Variants in SNTG1 observed in about 807,000 individuals in gnomAD.
SNTG1 encodes the protein syntrophin gamma 1, also known as gamma-1-syntrophin.
In SNTG1, 39 loss-of-function variants were observed where a neutral mutation model predicts 74.7. The observed-to-expected ratio is 0.52, with a 90% CI of 0.40 to 0.68. The LOEUF (loss-of-function observed/expected upper bound fraction) is 0.68, where lower values mean the gene tolerates loss of function less well. SNTG1 is among the 30% of genes least tolerant of loss of function. The probability of loss-of-function intolerance (pLI) is 0.00; values close to 1 mark genes in which losing one functional copy is unlikely to be tolerated. For missense variants in SNTG1, 685 were observed against 609.5 expected, an observed-to-expected ratio of 1.12 and a Z score of -1.30; for synonymous variants, 254 against 217.1, an observed-to-expected ratio of 1.17 and a Z score of -1.49.
chr8:50,038,621 G>GA (rs950140566), intron 1 of SNTG1, among the ~76,000 whole-genome samples: 2 of 151,726 alleles, frequency 1.3e-5, no homozygotes, highest in African/African-American at 4.8e-5. Flanking sequence ...AAGGGTAAAA[G>GA]AAAAAAAATT....
At chr8:50,193,549 A>C (rs984545164) in intron 2 of SNTG1, among the ~76,000 whole-genome samples, 1 of 152,106 alleles carries the variant, frequency 6.6e-6, no homozygotes, top group African/African-American at 2.4e-5. Context: ...GAATCCTTTT[A>C]TCAATTCTAG....
At chr8:50,243,239 C>T (rs1337296796) in intron 2 of SNTG1, among the ~76,000 whole-genome samples, 2 of 151,842 alleles carry the variant, frequency 1.3e-5, no homozygotes, top group Non-Finnish European at 2.9e-5. Flanking sequence ...ACAGTCTGAC[C>T]CAAAACTATG....
intron 17 of SNTG1, among the ~76,000 whole-genome samples, chr8:50,718,742 A>G (rs1280279993): frequency 6.6e-6 from 1 of 152,244 alleles, no homozygotes; most frequent in Non-Finnish European, 1.5e-5. Context: ...TAGAATTTGC[A>G]TCAATAAAGT....
intron 2 of SNTG1, among the ~76,000 whole-genome samples, chr8:50,263,540 A>G (rs1328375836): frequency 1.3e-5 from 2 of 152,190 alleles, no homozygotes; most frequent in African/African-American, 2.4e-5. Flanking sequence ...TATAATGCAA[A>G]TGATGATCTT....
chr8:50,682,923 C>G (rs2095337009), intron 15 of SNTG1, among the ~76,000 whole-genome samples: 1 of 152,172 alleles, frequency 6.6e-6, no homozygotes, highest in Non-Finnish European at 1.5e-5. Flanking sequence ...TCAAATGTCA[C>G]CTCCTGAAGA....
At chr8:50,168,726 T>C (rs2082708887) in intron 1 of SNTG1, among the ~76,000 whole-genome samples, 5 of 152,336 alleles carry the variant, frequency 3.3e-5, no homozygotes, top group East Asian at 1.9e-4. Context: ...TAATACGAGT[T>C]GGAGTTATAT....
rs370969894 is a variant in SNTG1, at chr8:50,521,544, G to A, written c.467-8633G>A. Among the ~76,000 whole-genome samples, 8 of 152,208 alleles carry A rather than the reference G, an allele frequency of 5.3e-5. No individual in the cohort carries two copies. In the East Asian group the frequency reaches 7.7e-4, roughly 15 times the overall value. The stretch of plus-strand genomic sequence containing the variant: ...GTGGTGGTTGCTGAAGTTTGGAATG[G>A]CTATGACAATTCCTTGAAATAGACA... On this transcript the variant is annotated intron_variant, in intron 9 of 18. Coordinates refer to ENST00000642720, the MANE Select transcript of SNTG1 (RefSeq NM_018967.5).
At chr8:50,111,918 T>G (rs2080608260) in intron 1 of SNTG1, among the ~76,000 whole-genome samples, 1 of 152,002 alleles carries the variant, frequency 6.6e-6, no homozygotes, top group African/African-American at 2.4e-5. Context: ...AAGGAAGATA[T>G]AACAAAAATA....
At chr8:50,602,629 C>G (rs757101647) in intron 13 of SNTG1, among the ~76,000 whole-genome samples, 1 of 152,078 alleles carries the variant, frequency 6.6e-6, no homozygotes, top group Non-Finnish European at 1.5e-5. Flanking sequence ...TTTTCTTGTT[C>G]ATTAACATCA....
intron 15 of SNTG1, among the ~76,000 whole-genome samples, chr8:50,659,876 G>C (rs7002596): frequency 0.21 from 31,968 of 152,098 alleles, 3,696 homozygotes; most frequent in African/African-American, 0.3. Context: ...GTCTTGCTCT[G>C]TTGCTTAGGC....
intron 15 of SNTG1, among the ~76,000 whole-genome samples, chr8:50,681,910 C>G (rs2095332420): frequency 1.3e-5 from 2 of 152,140 alleles, no homozygotes; most frequent in South Asian, 4.1e-4. Context: ...AGACACACAC[C>G]TCAGTCAAGA....
intron 13 of SNTG1, among the ~76,000 whole-genome samples, chr8:50,627,239 G>A (rs2094962485): frequency 6.6e-6 from 1 of 152,010 alleles, no homozygotes; most frequent in Non-Finnish European, 1.5e-5. Flanking sequence ...GTTGAGTTTT[G>A]TTTAATGACT....
At chr8:50,382,949 T>C (rs2092513856) in intron 2 of SNTG1, among the ~76,000 whole-genome samples, 1 of 152,182 alleles carries the variant, frequency 6.6e-6, no homozygotes, top group Non-Finnish European at 1.5e-5. Flanking sequence ...GAAACCTCAA[T>C]GTTTGCTTTT....
chr8:50,574,904 T>A (rs966786690), intron 12 of SNTG1, among the ~76,000 whole-genome samples: 1 of 152,228 alleles, frequency 6.6e-6, no homozygotes, highest in African/African-American at 2.4e-5. Context: ...CAACAATGTG[T>A]GAAAGTATAT....
At chr8:50,260,468 T>C (rs112394518) in intron 2 of SNTG1, among the ~76,000 whole-genome samples, 2 of 151,884 alleles carry the variant, frequency 1.3e-5, no homozygotes, top group Non-Finnish European at 2.9e-5. Flanking sequence ...AAAGTACTGT[T>C]GAATGCAGGT....
chr8:50,522,821 C>T (rs1048054741), intron 9 of SNTG1, among the ~76,000 whole-genome samples: 5 of 152,154 alleles, frequency 3.3e-5, no homozygotes, highest in Admixed American at 2.6e-4. Flanking sequence ...TTGTGATCTG[C>T]CTGCCTCAGC....
rs889646966 is a variant in SNTG1 at position 50,784,625 on chromosome 8, G to C, written c.1396-8046G>C. Among the ~76,000 whole-genome samples, 3 of 152,158 alleles carry C rather than the reference G, an allele frequency of 2.0e-5. No homozygotes were observed. The East Asian group carries it at 5.8e-4, about 29-fold the overall frequency. ...TACCCCACTGTAACTAATGGGTAGAGCAATTAAGCAGAAGAGTAACAATGA... is the reference window on the plus strand; with the variant it reads ...TACCCCACTGTAACTAATGGGTAGACCAATTAAGCAGAAGAGTAACAATGA... On this transcript the variant is annotated intron_variant, in intron 18 of 18. Transcript: ENST00000642720.
chr8:50,590,822 G>A (rs1050016267), intron 12 of SNTG1, 57 bp from the exon 13 acceptor site: 3 of 1,126,736 alleles, frequency 2.7e-6, no homozygotes, highest in Non-Finnish European at 3.8e-6. Flanking sequence ...AAATTCTGGG[G>A]ACCTTGTGTT....
At chr8:50,708,439 A>G (rs1006585943) in intron 16 of SNTG1, 1 of 156,696 alleles carries the variant, frequency 6.4e-6, no homozygotes, top group Non-Finnish European at 1.4e-5. Flanking sequence ...AATGTGGTTT[A>G]ATAATATCCA....
Sources: gnomAD v4.1 joint callset for allele counts (sites outside exome capture counted in the v4.1 genomes callset) on GRCh38, gnomAD v4.1.1 for gene constraint, MANE v1.5 for transcripts, NCBI Gene and HGNC (gene_info 2026-07-23, HGNC 2026-07-21) for gene names.